The following ANKRD26 variants were observed in gnomAD, a reference collection of about 807,000 sequenced individuals.
The protein encoded by ANKRD26 is ankyrin repeat domain 26, also known as ankyrin repeat domain-containing protein 26.
A neutral mutation model predicts 208.7 loss-of-function variants in ANKRD26; 141 were observed. The observed-to-expected ratio is 0.68, with a 90% CI of 0.59 to 0.78. ANKRD26 has a LOEUF of 0.78. ANKRD26 is among the 30% of genes least tolerant of loss of function. The pLI is 0.00. For missense variants in ANKRD26, 1,889 were observed against 1,938.7 expected, an observed-to-expected ratio of 0.97 and a Z score of 0.48; for synonymous variants, 636 against 660.4, an observed-to-expected ratio of 0.96 and a Z score of 0.57.
chr10:27,096,747 C>T (rs957565451), intron 1 of ANKRD26, among the ~76,000 whole-genome samples: 2 of 130,882 alleles, frequency 1.5e-5, no homozygotes, highest in African/African-American at 6.2e-5. Flanking sequence ...GCCCAGGAGA[C>T]AGAGCGAGAC....
Position 27,048,810 on chromosome 10 carries a change from T to C in ANKRD26, c.1805A>G (p.Glu602Gly), listed in dbSNP as rs778626619. 22 of 1,612,978 alleles carry C rather than the reference T, an allele frequency of 1.4e-5. No individual in the cohort carries two copies. Among genetic ancestry groups the C allele is most frequent in the South Asian group, 1.2e-4 (11 of 91,036 alleles). The change falls in exon 17 of 34, where the codon GAG becomes GGG. Residue 602 changes from glutamate (E) to glycine (G), a missense_variant. Physicochemically the swap from Glu to Gly is moderately conservative, Grantham distance 98. This residue lies in a region of ANKRD26 where 1,272 missense variants were observed against 1,273.8 expected (regional missense o/e 1.00). Transcript: ENST00000376087. The part of the protein sequence containing the change: ...HQQFPRKENK[E>G]YASSGPALQM... ...TATGCTATCAGCTTACCTAGCATAC[T>C]CTTTATTTTCCTTCCTGGGAAATTG...
At chr10:27,021,408 A>G (rs1200075682) in intron 29 of ANKRD26, among the ~76,000 whole-genome samples, 2 of 152,164 alleles carry the variant, frequency 1.3e-5, no homozygotes, top group East Asian at 1.9e-4. Flanking sequence ...TCCCACCAAC[A>G]ATGTCTAAGA....
At chr10:27,098,974 TA>T (rs1437134053) in intron 1 of ANKRD26, among the ~76,000 whole-genome samples, 1 of 152,120 alleles carries the variant, frequency 6.6e-6, no homozygotes, top group Non-Finnish European at 1.5e-5. Context: ...CTTCTGTATC[TA>T]TTGCCACTTT....
intron 31 of ANKRD26, among the ~76,000 whole-genome samples, chr10:27,013,625 T>G (rs1189890278): frequency 1.3e-5 from 2 of 152,224 alleles, no homozygotes; most frequent in Non-Finnish European, 2.9e-5. Flanking sequence ...TTGTATTTAG[T>G]AAACCAGTTT....
the ANKRD26 span, among the ~76,000 whole-genome samples, chr10:26,966,848 C>T: frequency 5.3e-5 from 8 of 151,886 alleles, no homozygotes; most frequent in Middle Eastern, 3.2e-3. Context: ...TGGAGTTCTA[C>T]GGGACATAAA....
At chr10:27,082,922 G>A (rs1365731925) in intron 5 of ANKRD26, 89 bp from the exon 6 acceptor site, 9 of 1,468,470 alleles carry the variant, frequency 6.1e-6, no homozygotes, top group African/African-American at 2.8e-5. Flanking sequence ...TTGTTACAAA[G>A]TATCCCTCTG....
chr10:27,092,388 C>T lies in ANKRD26; in HGVS notation c.638+18G>A. On this transcript the variant is annotated intron_variant, in intron 4 of 33. Transcript: ENST00000376087. The stretch of plus-strand genomic sequence containing the variant: ...AACATACAAGTTTAAAAATCCAAAA[C>T]AAAACCAGCTACTGTACCTTTCCAA... The T allele has an allele frequency of 6.3e-7, 1 of 1,576,240 alleles. No individual in the cohort carries two copies. Among genetic ancestry groups the T allele is most frequent in the Non-Finnish European group, 8.7e-7 (1 of 1,149,046 alleles).
At position 27,030,457 on chromosome 10, in the gene ANKRD26, G is replaced by C. The variant is rs1589243542; in HGVS notation, c.3808-1101C>G. ...CTGCGAAACAAGGTTCCCAAATCAAGTCATTTGCAACAACTGTCTATGCTG... is the reference window on the plus strand; with the variant it reads ...CTGCGAAACAAGGTTCCCAAATCAACTCATTTGCAACAACTGTCTATGCTG... On this transcript the variant is annotated intron_variant, in intron 25 of 33. Transcript: ENST00000376087. 3 of 985,412 alleles carry C rather than the reference G, an allele frequency of 3.0e-6. No homozygotes were observed. The East Asian group carries it at 3.4e-4, about 112-fold the overall frequency. 61.0% of individuals were successfully genotyped at this position (985,412 alleles called of 1,614,324 possible). A position where few individuals can be genotyped will look rare whatever the true frequency, so the allele number is the denominator to read the frequency against.
At chr10:27,099,986 G>A in intron 1 of ANKRD26, 99 bp downstream of exon 1, 1 of 1,586,522 alleles carries the variant, frequency 6.3e-7, no homozygotes, top group Non-Finnish European at 8.6e-7. Flanking sequence ...GGAGCCCGCG[G>A]GAGGCTGATC....
intron 4 of ANKRD26, among the ~76,000 whole-genome samples, chr10:27,088,713 T>G (rs139280677): frequency 2.6e-5 from 4 of 152,306 alleles, no homozygotes; most frequent in African/African-American, 9.6e-5. Flanking sequence ...ACACAGAATG[T>G]AAAGGGGCTT....
chr10:26,951,974 C>G, the ANKRD26 span, among the ~76,000 whole-genome samples: 103 of 151,436 alleles, frequency 6.8e-4, no homozygotes, highest in African/African-American at 2.4e-3. Flanking sequence ...CTCTTCATCA[C>G]TCTTTATTCT....
the ANKRD26 span, among the ~76,000 whole-genome samples, chr10:26,958,073 T>TATATA: frequency 6.9e-6 from 1 of 144,158 alleles, no homozygotes; most frequent in Non-Finnish European, 1.5e-5. Context: ...TCACCCAGTT[T>TATATA]TATATATATA....
At chr10:27,060,151 C>T (rs772482330) in intron 15 of ANKRD26, among the ~76,000 whole-genome samples, 194 bp downstream of exon 15, 15 of 152,126 alleles carry the variant, frequency 9.9e-5, no homozygotes, top group Middle Eastern at 3.4e-3. Flanking sequence ...TGCAGTGAGC[C>T]GAGATCACGC....
At chr10:27,029,673 A>C (rs550196024) in intron 25 of ANKRD26, among the ~76,000 whole-genome samples, 1 of 152,318 alleles carries the variant, frequency 6.6e-6, no homozygotes, top group Admixed American at 6.5e-5. Context: ...AAACTTGGTA[A>C]AATGTAGAAA....
intron 9 of ANKRD26, among the ~76,000 whole-genome samples, chr10:27,072,217 G>A (rs1423898814): frequency 6.6e-6 from 1 of 152,208 alleles, no homozygotes; most frequent in Non-Finnish European, 1.5e-5. Flanking sequence ...CAAGCTGACT[G>A]GAATCCAGCT....
intron 9 of ANKRD26, chr10:27,076,975 G>A (rs1440003278): frequency 5.2e-6 from 1 of 192,048 alleles, no homozygotes; most frequent in East Asian, 1.4e-4. Context: ...TGAGAAGGGG[G>A]AAATCCTCCC....
downstream of ANKRD26, among the ~76,000 whole-genome samples, chr10:26,989,020 G>C (rs111980956): frequency 2.6e-5 from 4 of 152,264 alleles, no homozygotes; most frequent in African/African-American, 9.6e-5. Flanking sequence ...CCCCTTTTGA[G>C]ATAATCTTCT....
At chr10:27,063,957 T>C in intron 12 of ANKRD26, 31 bp downstream of exon 12, 1 of 1,528,988 alleles carries the variant, frequency 6.5e-7, no homozygotes, top group Non-Finnish European at 9.0e-7. Context: ...CTCTGTCCAA[T>C]GGCTTTTTAA....
intron 4 of ANKRD26, among the ~76,000 whole-genome samples, chr10:26,995,369 AC>A (rs1296862459): frequency 1.3e-5 from 2 of 152,200 alleles, no homozygotes; most frequent in Non-Finnish European, 2.9e-5. Flanking sequence ...TTGCTCTCAT[AC>A]AGTGAGGCAG....
Sources: allele counts gnomAD v4.1 joint callset (sites outside exome capture counted in the v4.1 genomes callset), GRCh38; gene constraint gnomAD v4.1.1; regional missense constraint gnomAD v4.1.1; transcripts MANE v1.5; gene names NCBI Gene and HGNC (gene_info 2026-07-23, HGNC 2026-07-21).